The following HEMK2 variants were observed in gnomAD, a reference collection of about 807,000 sequenced individuals.
The protein encoded by HEMK2 is HemK methyltransferase 2, ETF1 glutamine and histone H4 lysine.
chr21:28,677,674 G>A, the HEMK2 span, among the ~76,000 whole-genome samples: 2 of 152,302 alleles, frequency 1.3e-5, no homozygotes, highest in East Asian at 1.9e-4. Flanking sequence ...CACCTCACAC[G>A]GCTGGGTATT....
At chr21:28,656,705 T>C in the HEMK2 span, among the ~76,000 whole-genome samples, 1 of 152,056 alleles carries the variant, frequency 6.6e-6, no homozygotes, top group Non-Finnish European at 1.5e-5. Context: ...ATCATCTGCC[T>C]CACAAAGGAG....
At chr21:28,677,044 G>C in the HEMK2 span, among the ~76,000 whole-genome samples, 1 of 152,202 alleles carries the variant, frequency 6.6e-6, no homozygotes, top group African/African-American at 2.4e-5. Flanking sequence ...GTGTCAGAAA[G>C]TGGGTGCAGG....
At chr21:28,861,667 G>A in the HEMK2 span, among the ~76,000 whole-genome samples, 179 of 152,292 alleles carry the variant, frequency 1.2e-3, 1 homozygote, top group African/African-American at 4.0e-3. Context: ...TAGAATGGTG[G>A]ATTAGCCTTT....
chr21:28,748,980 A>G, the HEMK2 span, among the ~76,000 whole-genome samples: 7 of 152,240 alleles, frequency 4.6e-5, no homozygotes, highest in East Asian at 5.8e-4. Flanking sequence ...TACTTTTAAG[A>G]TCTGGGTTTA....
At chr21:28,766,426 C>A in the HEMK2 span, among the ~76,000 whole-genome samples, 15 of 139,078 alleles carry the variant, frequency 1.1e-4, no homozygotes, top group Non-Finnish European at 2.1e-4. Context: ...TTAGTTCAAC[C>A]ACTATGGAAA....
the HEMK2 span, among the ~76,000 whole-genome samples, chr21:28,658,001 A>T: frequency 1.3e-5 from 2 of 152,078 alleles, no homozygotes; most frequent in East Asian, 3.8e-4. Flanking sequence ...CTTGAATGGT[A>T]GTTCTGTGAA....
At chr21:28,640,645 T>C in the HEMK2 span, among the ~76,000 whole-genome samples, 1 of 152,224 alleles carries the variant, frequency 6.6e-6, no homozygotes, top group African/African-American at 2.4e-5. Flanking sequence ...CAACTACTAC[T>C]ACCACTGAGT....
chr21:28,876,533 G>T, the HEMK2 span: 1 of 1,318,650 alleles, frequency 7.6e-7, no homozygotes, highest in Non-Finnish European at 1.1e-6. Context: ...AAGCCATTTG[G>T]TAGTGTGCAT....
the HEMK2 span, among the ~76,000 whole-genome samples, chr21:28,676,499 T>C: frequency 6.6e-6 from 1 of 151,512 alleles, no homozygotes; most frequent in Non-Finnish European, 1.5e-5. Flanking sequence ...CCAAATATCA[T>C]CATCTTGAAA....
At chr21:28,626,397 T>A in the HEMK2 span, among the ~76,000 whole-genome samples, 1 of 152,172 alleles carries the variant, frequency 6.6e-6, no homozygotes, top group East Asian at 1.9e-4. Context: ...ATAAAATAAA[T>A]CCTAAAACAA....
chr21:28,815,569 C>A, the HEMK2 span, among the ~76,000 whole-genome samples: 1 of 151,982 alleles, frequency 6.6e-6, no homozygotes, highest in South Asian at 2.1e-4. Context: ...CAGGGAGGAA[C>A]AGGGTGCCAC....
the HEMK2 span, among the ~76,000 whole-genome samples, chr21:28,603,729 C>A: frequency 6.6e-6 from 1 of 152,178 alleles, no homozygotes; most frequent in Admixed American, 6.5e-5. Flanking sequence ...TGAAGGAGCT[C>A]ATCCTGCTAC....
At chr21:28,750,962 G>A in the HEMK2 span, among the ~76,000 whole-genome samples, 1 of 152,118 alleles carries the variant, frequency 6.6e-6, no homozygotes, top group African/African-American at 2.4e-5. Context: ...CAGGTGCGGT[G>A]GCTCACGCCT....
At chr21:28,885,248 A>G in the HEMK2 span, 9 of 1,591,010 alleles carry the variant, frequency 5.7e-6, no homozygotes, top group Non-Finnish European at 6.9e-6. Flanking sequence ...CAGCGCGTCC[A>G]AAAGCAGAAA....
At chr21:28,652,592 A>G in the HEMK2 span, among the ~76,000 whole-genome samples, 1 of 152,172 alleles carries the variant, frequency 6.6e-6, no homozygotes, top group Non-Finnish European at 1.5e-5. Context: ...CAAAGCAGAA[A>G]TATAGAAATA....
the HEMK2 span, among the ~76,000 whole-genome samples, chr21:28,652,635 G>A: frequency 9.5e-3 from 1,439 of 152,162 alleles, 23 homozygotes; most frequent in African/African-American, 0.033. Context: ...TTAAGCTATT[G>A]TTCATTCCAC....
the HEMK2 span, among the ~76,000 whole-genome samples, chr21:28,722,610 G>A: frequency 1.8e-3 from 275 of 152,306 alleles, 2 homozygotes; most frequent in African/African-American, 6.2e-3. Flanking sequence ...GGCCGGGCAC[G>A]GTGGCTCACG....
the HEMK2 span, among the ~76,000 whole-genome samples, chr21:28,856,306 T>C: frequency 1.8e-3 from 281 of 152,098 alleles, 2 homozygotes; most frequent in East Asian, 0.027. Flanking sequence ...TCCCAGCTAC[T>C]TGGGAGGCTG....
At chr21:28,686,713 G>A in the HEMK2 span, among the ~76,000 whole-genome samples, 1 of 152,196 alleles carries the variant, frequency 6.6e-6, no homozygotes, top group Non-Finnish European at 1.5e-5. Flanking sequence ...GACACTGTGA[G>A]ATTTCCAAGG....
Sources: gnomAD v4.1 joint callset for allele counts (sites outside exome capture counted in the v4.1 genomes callset) on GRCh38, gnomAD v4.1.1 for gene constraint, MANE v1.5 for transcripts, NCBI Gene and HGNC (gene_info 2026-07-23, HGNC 2026-07-21) for gene names.